The following MRPL37 variants were observed in gnomAD, a reference collection of about 807,000 sequenced individuals.
MRPL37 encodes mitochondrial ribosomal protein L37, also known as large ribosomal subunit protein mL37.
In MRPL37, 34 loss-of-function variants were observed where a neutral mutation model predicts 44.1. The ratio of observed to expected loss-of-function variants is 0.77; its 90% CI spans 0.59 to 1.03. The LOEUF is 1.03. Ranked by LOEUF, MRPL37 falls within the 50% of genes least tolerant of loss-of-function variation. The pLI is 0.00. For missense variants in MRPL37, 532 were observed against 543.7 expected (o/e 0.98, Z 0.21); for synonymous variants, 212 against 219.5 (o/e 0.97, Z 0.30).
intron 4 of MRPL37, among the ~76,000 whole-genome samples, chr1:54,210,974 C>G (rs1411969374): frequency 1.3e-5 from 2 of 152,168 alleles, no homozygotes; most frequent in African/African-American, 4.8e-5. Flanking sequence ...CTGCCCCATC[C>G]CCAGCCTCAT....
chr1:54,213,584 C>T (rs1485620536), intron 5 of MRPL37, among the ~76,000 whole-genome samples: 3 of 152,060 alleles, frequency 2.0e-5, no homozygotes, highest in Non-Finnish European at 2.9e-5. Flanking sequence ...GTGGTTCGTT[C>T]GTAAAATATA....
intron 1 of MRPL37, among the ~76,000 whole-genome samples, chr1:54,204,360 C>T (rs35070778): frequency 0.017 from 2,609 of 151,928 alleles, 58 homozygotes; most frequent in East Asian, 0.07. Flanking sequence ...ATCATGTCGC[C>T]CAGTCAGCCT....
intron 4 of MRPL37, among the ~76,000 whole-genome samples, chr1:54,210,484 A>G (rs1275329844): frequency 2.6e-5 from 4 of 151,942 alleles, no homozygotes; most frequent in African/African-American, 9.7e-5. Flanking sequence ...CTTTATTCAT[A>G]GGTCCCATGA....
intron 3 of MRPL37, among the ~76,000 whole-genome samples, chr1:54,208,501 A>G (rs546814971): frequency 5.3e-5 from 7 of 132,830 alleles, no homozygotes; most frequent in African/African-American, 2.0e-4. Context: ...GTGAGCTGAG[A>G]TTGCGCCACT....
At chr1:54,212,789 C>T in intron 5 of MRPL37, 131 bp downstream of exon 5, 1 of 1,267,006 alleles carries the variant, frequency 7.9e-7, no homozygotes, top group Non-Finnish European at 1.1e-6. Flanking sequence ...GGGAGGAGTA[C>T]TTCAGCCCAC....
chr1:54,200,877 C>A (rs1557729762), intron 1 of MRPL37, among the ~76,000 whole-genome samples: 3 of 152,234 alleles, frequency 2.0e-5, no homozygotes, highest in Non-Finnish European at 4.4e-5. Flanking sequence ...GCTGGCCATC[C>A]TGGGCCTCTA....
At chr1:54,208,229 C>T (rs1482010792) in intron 3 of MRPL37, among the ~76,000 whole-genome samples, 1 of 152,082 alleles carries the variant, frequency 6.6e-6, no homozygotes. Context: ...CAATCTGGCC[C>T]CTTTCCTAAG....
downstream of MRPL37, among the ~76,000 whole-genome samples, chr1:54,223,276 T>C (rs1644248319): frequency 6.6e-6 from 1 of 152,168 alleles, no homozygotes; most frequent in African/African-American, 2.4e-5. Context: ...TCTGCTCAAG[T>C]CCAGGGGAGC....
chr1:54,200,769 G>A (rs559291547), intron 1 of MRPL37, among the ~76,000 whole-genome samples, 180 bp downstream of exon 1: 1 of 152,344 alleles, frequency 6.6e-6, no homozygotes, highest in South Asian at 2.1e-4. Flanking sequence ...AAGGAGCTGG[G>A]CCTCTGTGCA....
chr1:54,208,941 TC>T (rs959671283), intron 3 of MRPL37, among the ~76,000 whole-genome samples: 29 of 151,972 alleles, frequency 1.9e-4, no homozygotes, highest in Admixed American at 1.5e-3. Context: ...GGACATTCCC[TC>T]CCCCCACTCC....
At chr1:54,220,709 C>T (rs1382862433), downstream of MRPL37, 4 of 471,262 alleles carry the variant, frequency 8.5e-6, no homozygotes, top group African/African-American at 4.0e-5. Flanking sequence ...ACTTGAGGGC[C>T]TCAGCCAGCC....
chr1:54,205,584 C>G (rs1287614847), intron 3 of MRPL37, among the ~76,000 whole-genome samples, 174 bp downstream of exon 3: 3 of 152,170 alleles, frequency 2.0e-5, no homozygotes, highest in Non-Finnish European at 4.4e-5. Context: ...ATAGCCCAAC[C>G]ATTTTTGTTT....
chr1:54,216,007 A>G (rs929056646), intron 5 of MRPL37, 134 bp from the exon 6 acceptor site: 14 of 924,382 alleles, frequency 1.5e-5, no homozygotes, highest in Admixed American at 1.3e-4. Flanking sequence ...TTCTATTTTA[A>G]TTGTCCCAAA....
chr1:54,222,823 A>G (rs1002615071), downstream of MRPL37, among the ~76,000 whole-genome samples: 2 of 152,162 alleles, frequency 1.3e-5, no homozygotes, highest in East Asian at 1.9e-4. Context: ...AACTCGCCAG[A>G]ACAGAGCTCT....
At chr1:54,221,772 A>G (rs1194635381), downstream of MRPL37, among the ~76,000 whole-genome samples, 5 of 152,198 alleles carry the variant, frequency 3.3e-5, no homozygotes, top group Non-Finnish European at 7.4e-5. Flanking sequence ...ATGGAACCCA[A>G]GAATAGGTCC....
rs1570152439 is a variant in MRPL37 at position 54,216,223 on chromosome 1, A to G, written c.1073A>G (p.Gln358Arg). 1 of 1,614,154 alleles carries G rather than the reference A, an allele frequency of 6.2e-7. No homozygotes were observed. Among genetic ancestry groups the G allele is most frequent in the Non-Finnish European group, 8.5e-7 (1 of 1,180,024 alleles). The change falls in exon 6 of 7, where the codon CAA becomes CGA. Residue 358 changes from glutamine to arginine, a missense_variant. Coordinates refer to ENST00000360840, the MANE Select transcript of MRPL37 (RefSeq NM_016491.4). ...DGRVFHFLVFQLNTTDLDCNE... is the reference protein window; with the variant it reads ...DGRVFHFLVFRLNTTDLDCNE... ...CGTGTCTTCCATTTCCTAGTGTTTC[A>G]ACTGAATACCACAGACCTGGACTGT... is the stretch of plus-strand genomic sequence containing the variant.
chr1:54,207,967 C>T (rs977689345), intron 3 of MRPL37, among the ~76,000 whole-genome samples: 1 of 152,110 alleles, frequency 6.6e-6, no homozygotes, highest in Admixed American at 6.6e-5. Flanking sequence ...GATTTGCCTC[C>T]GTGGATACTC....
chr1:54,216,102 AG>A, intron 5 of MRPL37, 38 bp from the exon 6 acceptor site: 3 of 1,611,044 alleles, frequency 1.9e-6, no homozygotes, highest in Non-Finnish European at 2.5e-6. Flanking sequence ...TACACTCCAC[AG>A]CTTCTGATTT....
At position 54,216,176 on chromosome 1, in the gene MRPL37, G is replaced by A; in HGVS notation, c.1026G>A (p.Val342=). 2.5e-6 allele frequency: 4 copies of A among 1,614,238 alleles called. No individual in the cohort carries two copies. The highest frequency in any genetic ancestry group is 2.5e-6 in the Non-Finnish European group (3 of 1,180,042). ...DAKVLEQPVV[V]QSVGTDGRVF... ...AGGTCTTGGAGCAGCCCGTGGTGGT[G>A]CAGAGCGTGGGCACGGATGGACGTG... Residue 342 remains valine, a synonymous_variant, in exon 6 of 7, where the codon GTG becomes GTA. Coordinates refer to ENST00000360840, the MANE Select transcript of MRPL37 (RefSeq NM_016491.4).
Sources: gnomAD v4.1 joint callset for allele counts (sites outside exome capture counted in the v4.1 genomes callset) on GRCh38, gnomAD v4.1.1 for gene constraint, MANE v1.5 for transcripts, NCBI Gene and HGNC (gene_info 2026-07-23, HGNC 2026-07-21) for gene names.